The following MYO16 variants were observed in gnomAD, a reference collection of about 807,000 sequenced individuals.
The protein encoded by MYO16 is myosin XVI.
A neutral mutation model predicts 205.3 loss-of-function variants in MYO16; 94 were observed. The ratio of observed to expected loss-of-function variants is 0.46; its 90% CI spans 0.39 to 0.54. The LOEUF (loss-of-function observed/expected upper bound fraction) is 0.54, where lower values mean the gene tolerates loss of function less well. Ranked by LOEUF, MYO16 falls within the 20% of genes least tolerant of loss-of-function variation. The probability of loss-of-function intolerance (pLI) is 0.00; values close to 1 mark genes in which losing one functional copy is unlikely to be tolerated. For synonymous variants in MYO16, 988 were observed against 954.0 expected, an observed-to-expected ratio of 1.04 and a Z score of -0.66; for missense variants, 2,315 against 2,387.5, an observed-to-expected ratio of 0.97 and a Z score of 0.63.
intron 2 of MYO16, among the ~76,000 whole-genome samples, chr13:108,685,697 C>G (rs1318026659): frequency 6.6e-6 from 1 of 152,142 alleles, no homozygotes; most frequent in Non-Finnish European, 1.5e-5. Flanking sequence ...GCCTGGGCAG[C>G]TTATACAGCA....
chr13:109,196,237 T>C (rs1006344707), intron 34 of MYO16, among the ~76,000 whole-genome samples: 7 of 152,178 alleles, frequency 4.6e-5, no homozygotes, highest in African/African-American at 1.7e-4. Context: ...TGTCTAAATT[T>C]CAAATCACCA....
At chr13:108,849,491 AAC>A (rs1206886215) in intron 10 of MYO16, among the ~76,000 whole-genome samples, 2 of 149,788 alleles carry the variant, frequency 1.3e-5, no homozygotes, top group Non-Finnish European at 3.0e-5. Flanking sequence ...GTGCCCATCT[AAC>A]ACACAGTCTT....
rs935469478 is a variant in MYO16, at chr13:108,771,197, G to C, written c.508-14438G>C. On this transcript the variant is annotated intron_variant, in intron 4 of 34. Coordinates refer to ENST00000457511, the MANE Select transcript of MYO16 (RefSeq NM_001198950.3). ...TATGTCTATATAGATATATACACGG[G>C]GGGAGAGGGTAGTCCTCACTTTTTT... Among the ~76,000 whole-genome samples the C allele has an allele frequency of 1.3e-5, 2 of 152,152 alleles. 1 individual carries two copies. The highest frequency in any genetic ancestry group is 4.2e-4 in the South Asian group (2 of 4,814).
chr13:109,003,536 T>C (rs1287748521), intron 21 of MYO16, among the ~76,000 whole-genome samples: 1 of 152,192 alleles, frequency 6.6e-6, no homozygotes, highest in Non-Finnish European at 1.5e-5. Flanking sequence ...CATCCATTTC[T>C]GTTATCCAAA....
At chr13:108,581,059 T>A in the MYO16 span, among the ~76,000 whole-genome samples, 1 of 152,228 alleles carries the variant, frequency 6.6e-6, no homozygotes, top group Non-Finnish European at 1.5e-5. Flanking sequence ...TTTAATTACA[T>A]TAACTTCAAA....
At chr13:108,703,984 G>A (rs1883405557) in intron 2 of MYO16, among the ~76,000 whole-genome samples, 2 of 152,184 alleles carry the variant, frequency 1.3e-5, no homozygotes, top group South Asian at 2.1e-4. Context: ...GACACGCACA[G>A]TGTGTGCCAT....
chr13:108,758,198 C>A (rs953179946), intron 4 of MYO16, among the ~76,000 whole-genome samples: 2 of 152,316 alleles, frequency 1.3e-5, no homozygotes, highest in Admixed American at 1.3e-4. Context: ...AAATAAATTT[C>A]TGTTGTTTAT....
In MYO16 at chr13:108,901,628, T is replaced by G. The variant is rs75903313; in HGVS notation, c.1777+3495T>G. On this transcript the variant is annotated intron_variant, in intron 15 of 34. Transcript: ENST00000457511. The stretch of plus-strand genomic sequence containing the variant: ...CATCTATGACAGGCATGCTCCACCT[T>G]TCTCCACTTTCCGTATGGCCTTTCT... Among the ~76,000 whole-genome samples, 1,260 of 152,302 alleles carry G rather than the reference T, an allele frequency of 8.3e-3. 16 individuals carry two copies. Among genetic ancestry groups the G allele is most frequent in the African/African-American group, 0.029 (1,196 of 41,570 alleles).
intron 1 of MYO16, among the ~76,000 whole-genome samples, chr13:108,602,853 G>A (rs1233174380): frequency 1.3e-5 from 2 of 152,028 alleles, no homozygotes; most frequent in African/African-American, 2.4e-5. Context: ...ATGAATTTGA[G>A]GCAAAACTAG....
At chr13:108,991,849 A>G (rs1016437316) in intron 20 of MYO16, among the ~76,000 whole-genome samples, 5 of 152,242 alleles carry the variant, frequency 3.3e-5, no homozygotes, top group African/African-American at 9.6e-5. Context: ...CAGAGAAGCA[A>G]ATATTAAATC....
At chr13:108,690,223 A>G (rs1882838952) in intron 2 of MYO16, among the ~76,000 whole-genome samples, 1 of 151,896 alleles carries the variant, frequency 6.6e-6, no homozygotes, top group Non-Finnish European at 1.5e-5. Context: ...GCAACCATCA[A>G]CAACTGAACA....
At chr13:108,567,837 T>C in the MYO16 span, among the ~76,000 whole-genome samples, 1 of 152,154 alleles carries the variant, frequency 6.6e-6, no homozygotes, top group Admixed American at 6.5e-5. Context: ...CTGTACTCAT[T>C]AACAGTTACT....
At chr13:108,693,886 G>A (rs186505003) in intron 2 of MYO16, among the ~76,000 whole-genome samples, 15 of 152,218 alleles carry the variant, frequency 9.9e-5, no homozygotes, top group Admixed American at 9.8e-4. Flanking sequence ...GTTGGCCCCA[G>A]TGTCTGTTTT....
chr13:108,600,814 C>T (rs8181809), intron 1 of MYO16, among the ~76,000 whole-genome samples: 54,670 of 151,936 alleles, frequency 0.36, 11,261 homozygotes, highest in Non-Finnish European at 0.46. Context: ...TTAGTGATAA[C>T]GGTCTTGCCT....
chr13:108,607,225 G>GGGAAA (rs1191258853), intron 1 of MYO16, among the ~76,000 whole-genome samples: 6 of 152,308 alleles, frequency 3.9e-5, no homozygotes, highest in Admixed American at 3.9e-4. Flanking sequence ...GGGAACTGTT[G>GGGAAA]GGAAAGCATA....
chr13:108,522,494 C>T, the MYO16 span, among the ~76,000 whole-genome samples: 1 of 152,112 alleles, frequency 6.6e-6, no homozygotes, highest in Non-Finnish European at 1.5e-5. Flanking sequence ...CAAAATCCCC[C>T]AAACTGGGTG....
intron 32 of MYO16, among the ~76,000 whole-genome samples, chr13:109,154,721 T>G (rs1285782732): frequency 1.3e-5 from 2 of 151,930 alleles, no homozygotes; most frequent in Admixed American, 1.3e-4. Context: ...CATATGTTGC[T>G]GACACCGACC....
rs577339988 is a variant in MYO16, at chr13:108,865,947, T to C, written c.1360-230T>C. ...GAATTTAACTATTTCATTTCTCTTA[T>C]GTTCAGTGAAATAAAGCCTGTTTTA... On this transcript the variant is annotated intron_variant, in intron 11 of 34. Coordinates refer to ENST00000457511, the MANE Select transcript of MYO16 (RefSeq NM_001198950.3). Among the ~76,000 whole-genome samples the C allele has an allele frequency of 3.3e-5, 5 of 152,234 alleles. No individual in the cohort carries two copies. In the South Asian group the frequency reaches 1.0e-3, roughly 32 times the overall value.
At chr13:108,818,319 G>A (rs1031474555) in intron 7 of MYO16, among the ~76,000 whole-genome samples, 13 of 151,684 alleles carry the variant, frequency 8.6e-5, no homozygotes, top group Non-Finnish European at 1.3e-4. Flanking sequence ...GGGAGAAGGC[G>A]GTTGCGGTGA....
Sources: allele counts gnomAD v4.1 joint callset (sites outside exome capture counted in the v4.1 genomes callset), GRCh38; gene constraint gnomAD v4.1.1; transcripts MANE v1.5; gene names NCBI Gene and HGNC (gene_info 2026-07-23, HGNC 2026-07-21).